The following TMED8 variants were observed in gnomAD, a reference collection of about 807,000 sequenced individuals.
TMED8 encodes the protein transmembrane p24 trafficking protein family member 8.
A neutral mutation model predicts 32.7 loss-of-function variants in TMED8; 15 were observed. That is an observed-to-expected ratio of 0.46 (90% confidence interval 0.31 to 0.71). The LOEUF (loss-of-function observed/expected upper bound fraction) is 0.71, where lower values mean the gene tolerates loss of function less well. Ranked by LOEUF, TMED8 falls within the 30% of genes least tolerant of loss-of-function variation. The probability of loss-of-function intolerance (pLI) is 0.06; values close to 1 mark genes in which losing one functional copy is unlikely to be tolerated. For missense variants in TMED8, 390 were observed against 423.9 expected (o/e 0.92, Z 0.70); for synonymous variants, 147 against 161.4 (o/e 0.91, Z 0.68).
At chr14:77,354,647 A>G (rs2139617900) in intron 1 of TMED8, among the ~76,000 whole-genome samples, 1 of 152,318 alleles carries the variant, frequency 6.6e-6, no homozygotes, top group East Asian at 1.9e-4. Context: ...ACCACTGTTA[A>G]CTTTTTAAAA....
chr14:77,365,190 T>C (rs573861408), intron 1 of TMED8, among the ~76,000 whole-genome samples: 2 of 152,132 alleles, frequency 1.3e-5, no homozygotes, highest in South Asian at 4.1e-4. Flanking sequence ...AAAGGGAAAT[T>C]TGAGTTAATG....
intron 1 of TMED8, chr14:77,359,748 G>A: frequency 4.0e-6 from 1 of 248,148 alleles, no homozygotes; most frequent in Non-Finnish European, 8.0e-6. Context: ...ATCTGGAGAT[G>A]TTTTGATAAA....
At position 77,376,836 on chromosome 14, in the gene TMED8, C is replaced by G; in HGVS notation, c.118+100G>C. The G allele has an allele frequency of 1.4e-6, 1 of 724,106 alleles. No homozygotes were observed. 44.9% of individuals were successfully genotyped at this position (724,106 alleles called of 1,614,324 possible). A position where few individuals can be genotyped will look rare whatever the true frequency, so the allele number is the denominator to read the frequency against. ...AGGGGCTGCCGAGGTGGGTCCGCTC[C>G]GCGGGGAAGCCCAGGACAGAGCGCG... On this transcript the variant is annotated intron_variant, in intron 1 of 5. Transcript: ENST00000216468. This position sits in a 1 kb window ranked among gnomAD's most constrained non-coding sequence, Gnocchi z 4.0.
chr14:77,352,423 T>A (rs960905661), intron 1 of TMED8, among the ~76,000 whole-genome samples: 1 of 135,670 alleles, frequency 7.4e-6, no homozygotes, highest in African/African-American at 2.8e-5. Context: ...TCAAAAATAA[T>A]AATAATAAAT....
intron 2 of TMED8, among the ~76,000 whole-genome samples, chr14:77,348,263 G>A (rs1224612356): frequency 2.7e-5 from 4 of 148,008 alleles, no homozygotes; most frequent in African/African-American, 5.0e-5. Flanking sequence ...TCACTCTGTC[G>A]CCCAGGCTGG....
rs1217838439 is a variant in TMED8, at chr14:77,377,056, G to A, written c.-3C>T. ...TCAGCCGCCTGCAGGTCAGACATCT[G>A]CAGCCCGCGCACGGAGCTCTCCGCT... On this transcript the variant is annotated 5_prime_UTR_variant, in exon 1 of 6. Transcript: ENST00000216468. 2.9e-6 allele frequency: 4 copies of A among 1,359,316 alleles called. No homozygotes were observed. The highest frequency in any genetic ancestry group is 1.8e-5 in the South Asian group (1 of 57,124). The allele number at this position is 1,359,316 out of a possible 1,614,324, so 84.2% of individuals were successfully genotyped here.
chr14:77,354,519 C>T (rs1453492649), intron 1 of TMED8, among the ~76,000 whole-genome samples: 4 of 152,090 alleles, frequency 2.6e-5, no homozygotes, highest in African/African-American at 9.7e-5. Flanking sequence ...GACTTTATTT[C>T]CTTTAAAATA....
At chr14:77,368,190 A>C (rs1010489381) in intron 1 of TMED8, among the ~76,000 whole-genome samples, 1 of 152,198 alleles carries the variant, frequency 6.6e-6, no homozygotes, top group Non-Finnish European at 1.5e-5. Context: ...AAGTCATAGA[A>C]ATTTGAATGT....
chr14:77,368,723 C>G (rs1017668528), intron 1 of TMED8, among the ~76,000 whole-genome samples: 1 of 152,164 alleles, frequency 6.6e-6, no homozygotes, highest in Admixed American at 6.5e-5. Context: ...GATCCGCCCA[C>G]CTTGGCCTCC....
At chr14:77,366,854 G>A (rs140861747) in intron 1 of TMED8, among the ~76,000 whole-genome samples, 1 of 152,254 alleles carries the variant, frequency 6.6e-6, no homozygotes, top group Non-Finnish European at 1.5e-5. Flanking sequence ...TGATGCCCAA[G>A]ATGACCAGCA....
intron 2 of TMED8, among the ~76,000 whole-genome samples, chr14:77,348,480 C>T (rs961653299): frequency 6.6e-6 from 1 of 152,178 alleles, no homozygotes; most frequent in Non-Finnish European, 1.5e-5. Flanking sequence ...ACCTTGGCCT[C>T]CCAAAGTGCT....
Position 77,340,983 on chromosome 14 carries a change from A to C in TMED8, c.*788T>G, listed in dbSNP as rs1007158794. On this transcript the variant is annotated 3_prime_UTR_variant, in exon 6 of 6. Coordinates refer to ENST00000216468, the MANE Select transcript of TMED8 (RefSeq NM_213601.3). ...TTCAAATATGTGGGTTCTGACATCA[A>C]TTCAGTACCTAATTTCCACTCTCTC... 1.3e-5 allele frequency: 2 copies of C among 151,886 alleles called. No homozygotes were observed. The highest frequency in any genetic ancestry group is 2.9e-5 in the Non-Finnish European group (2 of 68,012). 9.4% of individuals were successfully genotyped at this position (151,886 alleles called of 1,614,324 possible).
intron 1 of TMED8, among the ~76,000 whole-genome samples, chr14:77,363,028 G>A (rs1424983647): frequency 2.6e-5 from 4 of 152,094 alleles, no homozygotes; most frequent in African/African-American, 4.8e-5. Flanking sequence ...AAGAATAGTA[G>A]GGGACCTCAA....
intron 1 of TMED8, among the ~76,000 whole-genome samples, chr14:77,375,377 G>A (rs145916859): frequency 6.6e-6 from 1 of 152,142 alleles, no homozygotes; most frequent in Non-Finnish European, 1.5e-5. Flanking sequence ...GCGTGGGTAC[G>A]TTTGCCATAA....
rs1275993388 is a variant in TMED8 at position 77,346,348 on chromosome 14, C to T, written c.327+1G>A. ...AGAAAGAGCCAGAATCTGCCCCCTA[C>T]CTCATTGAGGACCTGGGCCTGGTCT... On this transcript the variant is annotated splice_donor_variant, in intron 3 of 5. Coordinates refer to ENST00000216468, the MANE Select transcript of TMED8 (RefSeq NM_213601.3). LOFTEE classifies it high-confidence loss of function. 9 of 1,613,964 alleles carry T rather than the reference C, an allele frequency of 5.6e-6. No homozygotes were observed. Among genetic ancestry groups the T allele is most frequent in the Non-Finnish European group, 7.6e-6 (9 of 1,179,980 alleles).
rs377264072 is a variant in TMED8 at position 77,376,561 on chromosome 14, G to A, written c.118+375C>T. On this transcript the variant is annotated intron_variant, in intron 1 of 5. Transcript: ENST00000216468. This position sits in a 1 kb window ranked among gnomAD's most constrained non-coding sequence, Gnocchi z 4.0. Reference sequence around the variant, plus strand: ...GGGAGCCAGAAGCAGGGGGCGGCGAGGCCAGTAGGGTTCGGGTCGGCAGTC... The same window carrying A: ...GGGAGCCAGAAGCAGGGGGCGGCGAAGCCAGTAGGGTTCGGGTCGGCAGTC... 272 of 158,224 alleles carry A rather than the reference G, an allele frequency of 1.7e-3. No homozygotes were observed. The highest frequency in any genetic ancestry group is 5.9e-3 in the African/African-American group (249 of 41,870). 9.8% of individuals were successfully genotyped at this position (158,224 alleles called of 1,614,324 possible).
At position 77,346,436 on chromosome 14, in the gene TMED8, A is replaced by G. The variant is rs372572316; in HGVS notation, c.240T>C (p.Asp80=). 1.2e-6 allele frequency: 2 copies of G among 1,614,040 alleles called. No homozygotes were observed. The highest frequency in any genetic ancestry group is 1.7e-6 in the Non-Finnish European group (2 of 1,180,034). Residue 80 remains aspartate, a synonymous_variant, in exon 3 of 6, where the codon GAT becomes GAC. Coordinates refer to ENST00000216468, the MANE Select transcript of TMED8 (RefSeq NM_213601.3). ...VSPVSKDATE[D]LRKATGPLEA... ...CCAAAGGACCAGTTGCTTTCCGCAG[A>G]TCTTCCGTGGCATCCTTACTCACTG...
rs1206052631 is a variant in TMED8 at position 77,338,693 on chromosome 14, C to T, written c.*3078G>A. The T allele has an allele frequency of 6.6e-6, 1 of 152,214 alleles. No homozygotes were observed. Among genetic ancestry groups the T allele is most frequent in the East Asian group, 1.9e-4 (1 of 5,194 alleles). 9.4% of individuals were successfully genotyped at this position (152,214 alleles called of 1,614,324 possible). A position where few individuals can be genotyped will look rare whatever the true frequency, so the allele number is the denominator to read the frequency against. ...CACATGTTCTAAGAACCTCCTGAGG[C>T]CCCATCATGGGCTCTGAACCTTGGC... On this transcript the variant is annotated 3_prime_UTR_variant, in exon 6 of 6. Transcript: ENST00000216468.
chr14:77,335,543 T>C lies in TMED8; in HGVS notation c.*6228A>G, dbSNP rs993696808. The C allele has an allele frequency of 1.3e-5, 2 of 152,222 alleles. No individual in the cohort carries two copies. Among genetic ancestry groups the C allele is most frequent in the Non-Finnish European group, 2.9e-5 (2 of 68,036 alleles). The allele number at this position is 152,222 out of a possible 1,614,324, so 9.4% of individuals were successfully genotyped here. On this transcript the variant is annotated 3_prime_UTR_variant, in exon 6 of 6. Coordinates refer to ENST00000216468, the MANE Select transcript of TMED8 (RefSeq NM_213601.3). Reference sequence around the variant, plus strand: ...CTTTCAGTCAACTGACTGATCTGAGTACATGGCACCAAAGAAAGCCCTTCA... The same window carrying C: ...CTTTCAGTCAACTGACTGATCTGAGCACATGGCACCAAAGAAAGCCCTTCA...
Sources: gnomAD v4.1 joint callset for allele counts (sites outside exome capture counted in the v4.1 genomes callset) on GRCh38, gnomAD v4.1.1 for gene constraint, Gnocchi (gnomAD v3.1) non-coding constraint, MANE v1.5 for transcripts, NCBI Gene and HGNC (gene_info 2026-07-23, HGNC 2026-07-21) for gene names.